SLC2A13: variants seen among roughly 807,000 people sequenced by gnomAD.
SLC2A13 encodes proton myo-inositol cotransporter.
SLC2A13 carries 32 observed loss-of-function variants against 64.4 expected under a neutral mutation model. The observed-to-expected ratio is 0.50, with a 90% CI of 0.37 to 0.67. SLC2A13 has a LOEUF of 0.67. Ranked by LOEUF, SLC2A13 falls within the 30% of genes least tolerant of loss-of-function variation. The probability of loss-of-function intolerance (pLI) is 0.00; values close to 1 mark genes in which losing one functional copy is unlikely to be tolerated. For synonymous variants in SLC2A13, 338 were observed against 327.1 expected, an observed-to-expected ratio of 1.03 and a Z score of -0.36; for missense variants, 743 against 829.2, an observed-to-expected ratio of 0.90 and a Z score of 1.28.
intron 7 of SLC2A13, among the ~76,000 whole-genome samples, chr12:39,769,733 A>T (rs898482633): frequency 2.0e-5 from 3 of 151,932 alleles, no homozygotes; most frequent in Middle Eastern, 3.4e-3. Context: ...TACAATACAC[A>T]AGATCTCTCT....
At chr12:39,888,256 ACT>A (rs1406544493) in intron 4 of SLC2A13, among the ~76,000 whole-genome samples, 11 of 152,116 alleles carry the variant, frequency 7.2e-5, no homozygotes, top group Admixed American at 2.0e-4. Flanking sequence ...AAGGAGTCTC[ACT>A]CTGTCACCCA....
intron 7 of SLC2A13, among the ~76,000 whole-genome samples, chr12:39,792,532 C>T (rs572559764): frequency 6.6e-6 from 1 of 152,190 alleles, no homozygotes; most frequent in African/African-American, 2.4e-5. Context: ...CTTGTGACTA[C>T]CATTTTGGGC....
intron 4 of SLC2A13, among the ~76,000 whole-genome samples, chr12:39,896,572 G>A (rs1010638909): frequency 2.6e-5 from 3 of 113,934 alleles, no homozygotes; most frequent in Non-Finnish European, 5.7e-5. Context: ...ATATATGTAT[G>A]TATGTGTGTA....
intron 7 of SLC2A13, among the ~76,000 whole-genome samples, chr12:39,822,066 C>T (rs1345556207): frequency 3.5e-5 from 4 of 113,248 alleles, no homozygotes; most frequent in Non-Finnish European, 7.0e-5. Flanking sequence ...CTATCCCTCC[C>T]CCCTCCCCCC....
At chr12:39,830,987 C>T (rs1368366003) in intron 6 of SLC2A13, among the ~76,000 whole-genome samples, 1 of 152,160 alleles carries the variant, frequency 6.6e-6, no homozygotes, top group Non-Finnish European at 1.5e-5. Flanking sequence ...AAGCAAAAAC[C>T]TTTAGAGGGC....
At chr12:39,970,466 C>A (rs767931112) in intron 3 of SLC2A13, among the ~76,000 whole-genome samples, 1 of 152,150 alleles carries the variant, frequency 6.6e-6, no homozygotes, top group Non-Finnish European at 1.5e-5. Flanking sequence ...TTAATACACT[C>A]ATTGGTACCT....
chr12:40,065,707 G>A (rs552096545), intron 1 of SLC2A13, among the ~76,000 whole-genome samples: 2 of 152,302 alleles, frequency 1.3e-5, no homozygotes, highest in South Asian at 4.1e-4. Flanking sequence ...ATTATTTTCA[G>A]AGGATACAAA....
chr12:40,035,492 A>G (rs1003665103), intron 2 of SLC2A13, among the ~76,000 whole-genome samples: 9 of 152,226 alleles, frequency 5.9e-5, no homozygotes, highest in African/African-American at 2.2e-4. Context: ...ACCAAGGACC[A>G]TGTAAGACAT....
At chr12:39,769,604 C>T (rs921614140) in intron 7 of SLC2A13, among the ~76,000 whole-genome samples, 2 of 152,002 alleles carry the variant, frequency 1.3e-5, no homozygotes, top group Admixed American at 1.3e-4. Flanking sequence ...CTGAGGACTG[C>T]CCTTCTTATC....
At chr12:39,930,376 T>A (rs1366718819) in intron 4 of SLC2A13, among the ~76,000 whole-genome samples, 3 of 152,050 alleles carry the variant, frequency 2.0e-5, no homozygotes, top group African/African-American at 7.2e-5. Flanking sequence ...ATTTCCATCA[T>A]CATCGTAATG....
At chr12:39,819,962 T>A (rs1283010909) in intron 7 of SLC2A13, 2 of 152,296 alleles carry the variant, frequency 1.3e-5, no homozygotes, top group Admixed American at 6.5e-5. Flanking sequence ...TCTTTATCTT[T>A]GCAGGTATAA....
At chr12:39,951,434 T>A in intron 3 of SLC2A13, 69 bp from the exon 4 acceptor site, 1 of 1,263,622 alleles carries the variant, frequency 7.9e-7, no homozygotes, top group Middle Eastern at 2.1e-4. Context: ...TTATTCCCAA[T>A]AGGACAAATT....
chr12:39,863,770 A>G (rs1024654499), intron 6 of SLC2A13, among the ~76,000 whole-genome samples: 4 of 152,186 alleles, frequency 2.6e-5, no homozygotes, highest in Non-Finnish European at 5.9e-5. Flanking sequence ...CCAAAGGCAC[A>G]TAGATCACAA....
intron 3 of SLC2A13, among the ~76,000 whole-genome samples, chr12:39,978,580 G>A (rs1009519201): frequency 4.6e-5 from 7 of 152,124 alleles, no homozygotes; most frequent in African/African-American, 9.7e-5. Context: ...CTGGAAAATC[G>A]GGTCACTCCC....
intron 6 of SLC2A13, among the ~76,000 whole-genome samples, chr12:39,840,520 G>C (rs1943153855): frequency 6.6e-6 from 1 of 151,944 alleles, no homozygotes. Context: ...GTGGGTGCTA[G>C]CCAGTCCAAA....
At chr12:39,987,032 AC>A (rs1322537570) in intron 3 of SLC2A13, among the ~76,000 whole-genome samples, 2 of 152,130 alleles carry the variant, frequency 1.3e-5, no homozygotes, top group South Asian at 2.1e-4. Context: ...AAATTTAACA[AC>A]CTGGTTTCCC....
At chr12:40,073,336 G>T (rs1011229309) in intron 1 of SLC2A13, among the ~76,000 whole-genome samples, 2 of 151,928 alleles carry the variant, frequency 1.3e-5, no homozygotes, top group African/African-American at 4.8e-5. Flanking sequence ...AAATACTGGG[G>T]GGAAATGAAC....
intron 7 of SLC2A13, among the ~76,000 whole-genome samples, chr12:39,786,114 G>A (rs1334777323): frequency 6.6e-6 from 1 of 151,948 alleles, no homozygotes; most frequent in Admixed American, 6.6e-5. Flanking sequence ...GAGATTTGGA[G>A]GGGCCAGGGG....
chr12:39,808,044 A>G (rs906322874), intron 7 of SLC2A13, among the ~76,000 whole-genome samples: 3 of 152,204 alleles, frequency 2.0e-5, no homozygotes, highest in East Asian at 3.8e-4. Flanking sequence ...AGTTTTGACA[A>G]TGTATAAATC....
Sources: gnomAD v4.1 joint callset for allele counts (sites outside exome capture counted in the v4.1 genomes callset) on GRCh38, gnomAD v4.1.1 for gene constraint, MANE v1.5 for transcripts, NCBI Gene and HGNC (gene_info 2026-07-23, HGNC 2026-07-21) for gene names.